The following PARP8 variants were observed in gnomAD, a reference collection of about 807,000 sequenced individuals.
PARP8 encodes protein mono-ADP-ribosyltransferase PARP8.
Under a neutral mutation model 124.1 loss-of-function variants are expected in PARP8, and 51 were observed. The observed-to-expected ratio is 0.41, with a 90% confidence interval of 0.33 to 0.52. PARP8 has a LOEUF of 0.52. PARP8 is among the 20% of genes least tolerant of loss of function. The pLI, the probability that PARP8 is intolerant of heterozygous loss-of-function variation, is 0.21. For missense variants in PARP8, 860 were observed against 1,018.9 expected, an observed-to-expected ratio of 0.84 and a Z score of 2.12; for synonymous variants, 391 against 361.5, an observed-to-expected ratio of 1.08 and a Z score of -0.93.
At chr5:50,825,880 T>C (rs1333424281) in intron 18 of PARP8, among the ~76,000 whole-genome samples, 1 of 152,186 alleles carries the variant, frequency 6.6e-6, no homozygotes, top group Non-Finnish European at 1.5e-5. Context: ...TTTCACTTCA[T>C]TAAAATTTTA....
intron 2 of PARP8, among the ~76,000 whole-genome samples, chr5:50,747,773 T>C (rs1758760111): frequency 8.1e-6 from 1 of 123,148 alleles, no homozygotes; most frequent in Non-Finnish European, 1.7e-5. Context: ...TTTTTTTTTT[T>C]TTTTTTTTTT....
At position 50,666,920 on chromosome 5, in the gene PARP8, C is replaced by CTCT; in HGVS notation, c.-176_-175insTCT. On this transcript the variant is annotated 5_prime_UTR_variant, in exon 1 of 26. Transcript: ENST00000281631. ...CGACCTCCCCCTCCTCCTCCTCCTC[C>CTCT]CCCTCCTCCTCCTCCTCTTCTCTCA... The CTCT allele has an allele frequency of 7.3e-7, 1 of 1,365,756 alleles. No individual in the cohort carries two copies. Among genetic ancestry groups the CTCT allele is most frequent in the South Asian group, 1.5e-5 (1 of 67,682 alleles). 84.6% of individuals were successfully genotyped at this position (1,365,756 alleles called of 1,614,324 possible).
intron 23 of PARP8, chr5:50,833,426 A>G (rs1465023762): frequency 4.4e-6 from 2 of 454,512 alleles, no homozygotes; most frequent in Non-Finnish European, 8.8e-6. Context: ...AGAGAAAACA[A>G]GTATATTCTG....
intron 2 of PARP8, among the ~76,000 whole-genome samples, chr5:50,674,307 G>A (rs570471574): frequency 1.3e-5 from 2 of 152,228 alleles, no homozygotes; most frequent in South Asian, 4.1e-4. Flanking sequence ...CCCGGTATGG[G>A]GATTACAGTT....
intron 3 of PARP8, among the ~76,000 whole-genome samples, chr5:50,750,606 ATTAG>A (rs1759133760): frequency 6.6e-6 from 1 of 152,124 alleles, no homozygotes; most frequent in Admixed American, 6.5e-5. Context: ...AAAAATAGTA[ATTAG>A]TTCATAGTTT....
intron 2 of PARP8, among the ~76,000 whole-genome samples, chr5:50,725,134 A>G (rs1756298347): frequency 6.7e-6 from 1 of 150,214 alleles, no homozygotes; most frequent in Middle Eastern, 3.5e-3. Context: ...AGATATATGT[A>G]TGTATGTATA....
At chr5:50,840,145 A>G (rs1402801924) in intron 25 of PARP8, among the ~76,000 whole-genome samples, 1 of 150,686 alleles carries the variant, frequency 6.6e-6, no homozygotes, top group Non-Finnish European at 1.5e-5. Context: ...ATTGTGACTT[A>G]GAAAAAAATA....
chr5:50,828,379 T>C lies in PARP8; in HGVS notation c.2158T>C (p.Leu720=). 6.2e-7 allele frequency: 1 copy of C among 1,611,642 alleles called. No individual in the cohort carries two copies. The highest frequency in any genetic ancestry group is 1.1e-5 in the South Asian group (1 of 90,924). Residue 720 remains leucine (L), a synonymous_variant, in exon 21 of 26, where the codon TTG becomes CTG. Transcript: ENST00000281631. ...TCTGGTTGTTGCTTCTAATACACGA[T>C]TGCAGGTAGATTTTCTGAATGCTTT... ...NGLVVASNTR[L]QLHGAMYGSG...
intron 2 of PARP8, among the ~76,000 whole-genome samples, chr5:50,674,768 A>T (rs1750421690): frequency 6.6e-6 from 1 of 152,224 alleles, no homozygotes; most frequent in Non-Finnish European, 1.5e-5. Context: ...TTGATTGATA[A>T]CATCTGTGTC....
At chr5:50,746,180 C>T (rs1216354375) in intron 2 of PARP8, among the ~76,000 whole-genome samples, 2 of 152,106 alleles carry the variant, frequency 1.3e-5, no homozygotes, top group Non-Finnish European at 2.9e-5. Flanking sequence ...TGTTATGCTT[C>T]ATAATCTCTG....
intron 3 of PARP8, among the ~76,000 whole-genome samples, chr5:50,754,150 T>TATATACACACACACACACAC (rs1312947286): frequency 2.7e-5 from 1 of 37,224 alleles, no homozygotes; most frequent in African/African-American, 1.2e-4. Flanking sequence ...TATATATATA[T>TATATACACACACACACACAC]ACACACACAC....
At chr5:50,798,489 C>T (rs1435309909) in intron 14 of PARP8, among the ~76,000 whole-genome samples, 8 of 150,212 alleles carry the variant, frequency 5.3e-5, no homozygotes, top group East Asian at 1.9e-4. Context: ...GGCACGATCT[C>T]GGCTCACTGC....
At chr5:50,735,960 C>A (rs1757431695) in intron 2 of PARP8, among the ~76,000 whole-genome samples, 1 of 149,848 alleles carries the variant, frequency 6.7e-6, no homozygotes, top group African/African-American at 2.5e-5. Flanking sequence ...GGGGATTCCC[C>A]CCCCCCCTTT....
chr5:50,713,550 A>AT (rs1561279132), intron 2 of PARP8, among the ~76,000 whole-genome samples: 1 of 151,952 alleles, frequency 6.6e-6, no homozygotes, highest in Non-Finnish European at 1.5e-5. Context: ...TATTATTATT[A>AT]TTTGGATAAT....
At position 50,828,374 on chromosome 5, in the gene PARP8, C is replaced by T; in HGVS notation, c.2153C>T (p.Thr718Ile). The T allele has an allele frequency of 6.2e-7, 1 of 1,612,374 alleles. No individual in the cohort carries two copies. Among genetic ancestry groups the T allele is most frequent in the Non-Finnish European group, 8.5e-7 (1 of 1,178,632 alleles). Reference sequence around the variant, plus strand: ...AATGGTCTGGTTGTTGCTTCTAATACACGATTGCAGGTAGATTTTCTGAAT... The same window carrying T: ...AATGGTCTGGTTGTTGCTTCTAATATACGATTGCAGGTAGATTTTCTGAAT... The part of the protein sequence containing the change: ...LRNGLVVASN[T>I]RLQLHGAMYG... The change falls in exon 21 of 26, where the codon ACA (threonine) becomes ATA (isoleucine). Residue 718 changes from threonine to isoleucine, a missense_variant. Coordinates refer to ENST00000281631, the MANE Select transcript of PARP8 (RefSeq NM_024615.4).
At chr5:50,803,422 A>G (rs954999560) in intron 14 of PARP8, among the ~76,000 whole-genome samples, 4 of 151,432 alleles carry the variant, frequency 2.6e-5, no homozygotes, top group African/African-American at 9.7e-5. Context: ...TCCTCTTGCA[A>G]TTTTTCTCTC....
chr5:50,694,390 T>C (rs997561668), intron 2 of PARP8, among the ~76,000 whole-genome samples: 3 of 151,848 alleles, frequency 2.0e-5, no homozygotes, highest in African/African-American at 7.3e-5. Flanking sequence ...ATTATTAATT[T>C]GCATTTATTT....
chr5:50,832,784 T>C lies in PARP8; in HGVS notation c.2237T>C (p.Met746Thr). ...MSSISFGYSG[M>T]NKKQKVSAKD... ...ATTATTTTGCCGATGTTTTCAGGGA[T>C]GAACAAGAAACAGAAGGTGTCAGCC... Residue 746 changes from methionine to threonine, a missense_variant, in exon 23 of 26, where the codon ATG becomes ACG. By Grantham distance (81) the Met-to-Thr change is moderately conservative (BLOSUM62 -1). Transcript: ENST00000281631. 6.2e-7 allele frequency: 1 copy of C among 1,613,338 alleles called. No homozygotes were observed. Among genetic ancestry groups the C allele is most frequent in the Non-Finnish European group, 8.5e-7 (1 of 1,179,526 alleles).
chr5:50,783,777 G>A (rs1319270860), intron 9 of PARP8, among the ~76,000 whole-genome samples: 1 of 152,072 alleles, frequency 6.6e-6, no homozygotes, highest in African/African-American at 2.4e-5. Flanking sequence ...CAATTGCGTG[G>A]CTCTACTTAT....
Sources: allele counts gnomAD v4.1 joint callset (sites outside exome capture counted in the v4.1 genomes callset), GRCh38; gene constraint gnomAD v4.1.1; transcripts MANE v1.5; gene names NCBI Gene and HGNC (gene_info 2026-07-23, HGNC 2026-07-21).